ADGRB3: variants seen among roughly 807,000 people sequenced by gnomAD.
The protein encoded by ADGRB3 is brain-specific angiogenesis inhibitor 3.
Under a neutral mutation model 193.4 loss-of-function variants are expected in ADGRB3, and 37 were observed. The observed-to-expected ratio is 0.19, with a 90% CI of 0.15 to 0.25. ADGRB3 has a LOEUF of 0.25. ADGRB3 is among the 10% of genes least tolerant of loss of function. The pLI is 1.00. For missense variants in ADGRB3, 1,637 were observed against 1,852.9 expected (o/e 0.88, Z 2.14); for synonymous variants, 690 against 644.2 (o/e 1.07, Z -1.08).
intron 20 of ADGRB3, among the ~76,000 whole-genome samples, chr6:69,246,566 G>C (rs1766502391): frequency 6.6e-6 from 1 of 152,162 alleles, no homozygotes; most frequent in Admixed American, 6.6e-5. Flanking sequence ...CAGAGACTCT[G>C]TTGTCCTACT....
chr6:69,231,569 A>G (rs1187776176), intron 17 of ADGRB3, among the ~76,000 whole-genome samples: 1 of 152,220 alleles, frequency 6.6e-6, no homozygotes, highest in Non-Finnish European at 1.5e-5. Flanking sequence ...TTGTCACAGG[A>G]AGATAAGAGA....
intron 17 of ADGRB3, among the ~76,000 whole-genome samples, chr6:69,131,448 C>T (rs1305362393): frequency 1.3e-5 from 2 of 151,886 alleles, no homozygotes; most frequent in Non-Finnish European, 2.9e-5. Flanking sequence ...GGGGTTCACA[C>T]TGCTTCTAGT....
chr6:69,063,960 T>C (rs1771824655), intron 16 of ADGRB3, among the ~76,000 whole-genome samples: 2 of 151,938 alleles, frequency 1.3e-5, no homozygotes, highest in African/African-American at 4.8e-5. Flanking sequence ...AAAGTTTTTA[T>C]GAAGTTGACC....
intron 20 of ADGRB3, among the ~76,000 whole-genome samples, chr6:69,287,205 T>G: frequency 6.6e-6 from 1 of 152,304 alleles, no homozygotes; most frequent in Non-Finnish European, 1.5e-5. Context: ...CCTTCAAGTT[T>G]ATGCCACTTG....
At chr6:68,693,369 T>C (rs1765109310) in intron 3 of ADGRB3, among the ~76,000 whole-genome samples, 1 of 151,826 alleles carries the variant, frequency 6.6e-6, no homozygotes, top group African/African-American at 2.4e-5. Flanking sequence ...TCCTTAAAAA[T>C]GTCAACAATG....
intron 17 of ADGRB3, among the ~76,000 whole-genome samples, chr6:69,100,474 G>A (rs1773001210): frequency 6.6e-6 from 1 of 152,060 alleles, no homozygotes; most frequent in Non-Finnish European, 1.5e-5. Flanking sequence ...GAGGAGAAAA[G>A]CAAAAACTAA....
intron 17 of ADGRB3, among the ~76,000 whole-genome samples, chr6:69,179,154 T>A (rs971688190): frequency 2.9e-4 from 44 of 152,234 alleles, no homozygotes; most frequent in Non-Finnish European, 7.3e-5. Flanking sequence ...AATGTTTTTT[T>A]AAATGAATTC....
intron 3 of ADGRB3, among the ~76,000 whole-genome samples, chr6:68,705,787 A>G (rs1246461893): frequency 1.3e-5 from 2 of 152,222 alleles, no homozygotes; most frequent in Non-Finnish European, 2.9e-5. Context: ...ATACTTCAGC[A>G]TAGTCCTGGA....
intron 30 of ADGRB3, among the ~76,000 whole-genome samples, chr6:69,374,436 A>G (rs766588293): frequency 6.6e-6 from 1 of 152,078 alleles, no homozygotes; most frequent in Non-Finnish European, 1.5e-5. Context: ...GCTTTATCAT[A>G]TAATGGCCAG....
chr6:69,126,371 AC>A (rs750199790), intron 17 of ADGRB3, among the ~76,000 whole-genome samples: 6 of 152,158 alleles, frequency 3.9e-5, no homozygotes, highest in Non-Finnish European at 7.3e-5. Context: ...AAGCTAGAGA[AC>A]CAGGAACGTT....
rs3839478 is a variant in ADGRB3 at position 69,248,346 on chromosome 6, C to CA, written c.2814+9128dup. On this transcript the variant is annotated intron_variant, in intron 20 of 31. Transcript: ENST00000370598. ...TTACTTTAATTTACAGATATTCTCA[C>CA]AAAAAAAATGAAAAGCCCTTGAGAT... Among the ~76,000 whole-genome samples the CA allele has an allele frequency of 6.5e-4, 98 of 151,650 alleles. 1 individual carries two copies. In the East Asian group the frequency reaches 8.9e-3, roughly 14 times the overall value.
chr6:68,711,731 C>A (rs1323822031), intron 3 of ADGRB3, among the ~76,000 whole-genome samples: 1 of 152,080 alleles, frequency 6.6e-6, no homozygotes, highest in Non-Finnish European at 1.5e-5. Context: ...ATTTCTCTTT[C>A]ATTCTGTATA....
chr6:69,325,473 A>G (rs1446958843), intron 21 of ADGRB3, among the ~76,000 whole-genome samples: 1 of 152,220 alleles, frequency 6.6e-6, no homozygotes, highest in Non-Finnish European at 1.5e-5. Flanking sequence ...AACACCATCT[A>G]GAGAATTAAT....
intron 8 of ADGRB3, among the ~76,000 whole-genome samples, chr6:68,971,987 A>G (rs1768584675): frequency 6.6e-6 from 1 of 152,172 alleles, no homozygotes; most frequent in Non-Finnish European, 1.5e-5. Context: ...CAGCAGGGCC[A>G]GGAGCATGTG....
intron 3 of ADGRB3, among the ~76,000 whole-genome samples, chr6:68,709,821 TGAA>T (rs2127315364): frequency 6.6e-6 from 1 of 152,304 alleles, no homozygotes; most frequent in South Asian, 2.1e-4. Context: ...ATATTTCTCT[TGAA>T]GAACAACTTC....
intron 17 of ADGRB3, among the ~76,000 whole-genome samples, chr6:69,116,428 T>C (rs1199091082): frequency 6.6e-6 from 1 of 152,194 alleles, no homozygotes; most frequent in Non-Finnish European, 1.5e-5. Flanking sequence ...TTAAACTGGA[T>C]TTAGGTTTTC....
intron 5 of ADGRB3, among the ~76,000 whole-genome samples, chr6:68,936,892 A>G (rs917396653): frequency 6.6e-6 from 1 of 152,218 alleles, no homozygotes; most frequent in African/African-American, 2.4e-5. Context: ...TCCTTTCTTC[A>G]CTGCAAATAT....
chr6:68,879,519 C>G lies in ADGRB3; in HGVS notation c.758-51040C>G, dbSNP rs186473108. On this transcript the variant is annotated intron_variant, in intron 3 of 31. Transcript: ENST00000370598. Reference sequence around the variant, plus strand: ...CTGGGATTACAGGCGTGAGCCACCGCGCCTGGCCTACTTTTTGTTGCTTTT... The same window carrying G: ...CTGGGATTACAGGCGTGAGCCACCGGGCCTGGCCTACTTTTTGTTGCTTTT... Among the ~76,000 whole-genome samples the G allele has an allele frequency of 6.3e-3, 958 of 152,236 alleles. 11 individuals are homozygous for G. Among genetic ancestry groups the G allele is most frequent in the African/African-American group, 0.021 (883 of 41,548 alleles).
Position 68,885,053 on chromosome 6 carries a change from T to C in ADGRB3, c.758-45506T>C, listed in dbSNP as rs117753774. Among the ~76,000 whole-genome samples the C allele has an allele frequency of 6.1e-3, 926 of 152,280 alleles. 8 individuals are homozygous for C. The highest frequency in any genetic ancestry group is 0.017 in the Middle Eastern group (5 of 294). ...AACAGTTCAATACAATAATAAACTA[T>C]AATAAGCAAAGTGTATGAAATTGCC... On this transcript the variant is annotated intron_variant, in intron 3 of 31. Transcript: ENST00000370598.
Sources: allele counts gnomAD v4.1 joint callset (sites outside exome capture counted in the v4.1 genomes callset), GRCh38; gene constraint gnomAD v4.1.1; transcripts MANE v1.5; gene names NCBI Gene and HGNC (gene_info 2026-07-23, HGNC 2026-07-21).